The following PDS5B variants were observed in gnomAD, a reference collection of about 807,000 sequenced individuals.
PDS5B encodes the protein PDS5 cohesin associated factor B, also known as sister chromatid cohesion protein PDS5 homolog B.
A neutral mutation model predicts 184.1 loss-of-function variants in PDS5B; 51 were observed. The ratio of observed to expected loss-of-function variants is 0.28; its 90% confidence interval spans 0.22 to 0.35. PDS5B has a LOEUF of 0.35. Among genes scored for constraint, PDS5B ranks in the 10% least tolerant of loss-of-function variants. The pLI, the probability that PDS5B is intolerant of heterozygous loss-of-function variation, is 1.00. For missense variants in PDS5B, 1,180 were observed against 1,723.3 expected (o/e 0.68, Z 5.58); for synonymous variants, 566 against 569.2 (o/e 0.99, Z 0.08).
rs774994503 is a variant in PDS5B at position 32,636,873 on chromosome 13, T to G, written c.-19-11881T>G. The stretch of plus-strand genomic sequence containing the variant: ...AAGATTTTATTTAGACTGAGTAGAT[T>G]TGGGACAGCTTCCCTGATTGACAGG... On this transcript the variant is annotated intron_variant, in intron 1 of 34. Coordinates refer to ENST00000315596, the MANE Select transcript of PDS5B (RefSeq NM_015032.4). Among the ~76,000 whole-genome samples the G allele has an allele frequency of 3.3e-5, 5 of 152,238 alleles. No homozygotes were observed. In the South Asian group the frequency reaches 6.2e-4, roughly 19 times the overall value.
At chr13:32,590,570 G>A (rs1269397801) in intron 1 of PDS5B, among the ~76,000 whole-genome samples, 1 of 152,184 alleles carries the variant, frequency 6.6e-6, no homozygotes, top group Non-Finnish European at 1.5e-5. Flanking sequence ...ATAAGGAGAA[G>A]GAGGGGCTCT....
intron 19 of PDS5B, among the ~76,000 whole-genome samples, chr13:32,715,922 A>C (rs980705884): frequency 6.6e-6 from 1 of 152,226 alleles, no homozygotes; most frequent in African/African-American, 2.4e-5. Context: ...CGGCCTCCCG[A>C]GGTGCCGGGA....
At chr13:32,590,828 T>C (rs2057762672) in intron 1 of PDS5B, among the ~76,000 whole-genome samples, 1 of 151,842 alleles carries the variant, frequency 6.6e-6, no homozygotes, top group Admixed American at 6.6e-5. Flanking sequence ...GGGTGAGAGT[T>C]GCAGGGGCAA....
At chr13:32,660,227 G>GATATAT (rs1950608080) in intron 6 of PDS5B, among the ~76,000 whole-genome samples, 1 of 152,146 alleles carries the variant, frequency 6.6e-6, no homozygotes, top group Non-Finnish European at 1.5e-5. Flanking sequence ...GGAGAGAAGG[G>GATATAT]GGAAGCTGGC....
chr13:32,743,369 T>C (rs943837934), intron 23 of PDS5B, among the ~76,000 whole-genome samples: 3 of 152,128 alleles, frequency 2.0e-5, no homozygotes, highest in East Asian at 3.8e-4. Context: ...CTAGCTGTTA[T>C]GATATAACTA....
intron 7 of PDS5B, among the ~76,000 whole-genome samples, chr13:32,670,467 G>C (rs9596060): frequency 6.6e-6 from 1 of 151,970 alleles, no homozygotes; most frequent in African/African-American, 2.4e-5. Flanking sequence ...AGCTCAAGCA[G>C]TCCGCCTGCC....
intron 11 of PDS5B, among the ~76,000 whole-genome samples, chr13:32,684,486 A>G (rs1366059706): frequency 6.6e-6 from 1 of 152,230 alleles, no homozygotes; most frequent in Admixed American, 6.5e-5. Flanking sequence ...CCGATAGAGC[A>G]CCATGCTTCT....
intron 1 of PDS5B, among the ~76,000 whole-genome samples, chr13:32,608,003 G>T (rs9595903): frequency 6.6e-6 from 1 of 152,064 alleles, no homozygotes; most frequent in Non-Finnish European, 1.5e-5. Flanking sequence ...AACGCCTTGC[G>T]CTTCCCGGGT....
chr13:32,640,761 C>G (rs978668329), intron 1 of PDS5B, among the ~76,000 whole-genome samples: 3 of 150,160 alleles, frequency 2.0e-5, no homozygotes, highest in African/African-American at 7.4e-5. Flanking sequence ...ACTCATAAAT[C>G]AGCACATTGT....
intron 1 of PDS5B, among the ~76,000 whole-genome samples, chr13:32,626,814 A>T (rs1339527808): frequency 6.6e-6 from 1 of 152,250 alleles, no homozygotes. Flanking sequence ...GTTAGATACA[A>T]GTAGCCTAAT....
At chr13:32,739,283 A>G (rs1053497581) in intron 21 of PDS5B, among the ~76,000 whole-genome samples, 5 of 152,088 alleles carry the variant, frequency 3.3e-5, no homozygotes, top group Non-Finnish European at 7.4e-5. Flanking sequence ...CTGCAGTGCT[A>G]CCACTCATGT....
chr13:32,710,640 A>G (rs1187200886), intron 19 of PDS5B, among the ~76,000 whole-genome samples: 1 of 152,202 alleles, frequency 6.6e-6, no homozygotes, highest in Non-Finnish European at 1.5e-5. Flanking sequence ...CAGAAGAATA[A>G]ATCTTCATTT....
intron 19 of PDS5B, among the ~76,000 whole-genome samples, chr13:32,720,078 G>A (rs1210344835): frequency 1.3e-5 from 2 of 152,186 alleles, no homozygotes; most frequent in African/African-American, 4.8e-5. Flanking sequence ...AATTACAGGT[G>A]TGAGCCACTG....
At chr13:32,604,790 G>A (rs1289132373) in intron 1 of PDS5B, among the ~76,000 whole-genome samples, 1 of 152,122 alleles carries the variant, frequency 6.6e-6, no homozygotes, top group Non-Finnish European at 1.5e-5. Context: ...CTTCTTCCTG[G>A]TTTAGTCTTG....
At position 32,683,821 on chromosome 13, in the gene PDS5B, G is replaced by A. The variant is rs1004494165; in HGVS notation, c.1058-57G>A. ...CTTATTTTCAAGGGTATCATGCAGT[G>A]TTTTAAAAATATTTTAGTTATTAAA... On this transcript the variant is annotated intron_variant, in intron 10 of 34. Transcript: ENST00000315596. 24 of 1,204,920 alleles carry A rather than the reference G, an allele frequency of 2.0e-5. No individual in the cohort carries two copies. In the African/African-American group the frequency reaches 2.0e-4, roughly 10 times the overall value. 74.6% of individuals were successfully genotyped at this position (1,204,920 alleles called of 1,614,324 possible). A position where few individuals can be genotyped will look rare whatever the true frequency, so the allele number is the denominator to read the frequency against.
intron 9 of PDS5B, 45 bp downstream of exon 9, chr13:32,676,004 C>T (rs938542286): frequency 9.4e-7 from 1 of 1,066,434 alleles, no homozygotes; most frequent in Non-Finnish European, 1.4e-6. Flanking sequence ...CATTATTCTA[C>T]TGACCGTTTT....
In PDS5B at chr13:32,716,492, C is replaced by T. The variant is rs531059367; in HGVS notation, c.2123+6386C>T. On this transcript the variant is annotated intron_variant, in intron 19 of 34. Transcript: ENST00000315596. ...GCCGCCCCGTCTGAGAAGTGAGGAG[C>T]GCCTCCGCCCAGCAGCCACCCCGTC... is the stretch of plus-strand genomic sequence containing the variant. Among the ~76,000 whole-genome samples, 383 of 150,738 alleles carry T rather than the reference C, an allele frequency of 2.5e-3. 1 individual carries two copies. The highest frequency in any genetic ancestry group is 4.2e-3 in the Non-Finnish European group (282 of 67,670).
intron 8 of PDS5B, 131 bp downstream of exon 8, chr13:32,673,487 C>A: frequency 1.3e-6 from 1 of 745,032 alleles, no homozygotes; most frequent in Non-Finnish European, 2.1e-6. Context: ...ATTATTTCTT[C>A]ACGTATTTGT....
intron 1 of PDS5B, among the ~76,000 whole-genome samples, chr13:32,644,006 T>C (rs1950163039): frequency 6.6e-6 from 1 of 152,200 alleles, no homozygotes; most frequent in Non-Finnish European, 1.5e-5. Context: ...GGACAGTTTC[T>C]TTTCCAATAT....
Sources: gnomAD v4.1 joint callset for allele counts (sites outside exome capture counted in the v4.1 genomes callset) on GRCh38, gnomAD v4.1.1 for gene constraint, MANE v1.5 for transcripts, NCBI Gene and HGNC (gene_info 2026-07-23, HGNC 2026-07-21) for gene names.